Variants in ARHGEF33 observed in about 807,000 individuals in gnomAD.
The protein encoded by ARHGEF33 is DH and coiled-coil domain-containing protein ENSP00000381780.
Under a neutral mutation model 101.9 loss-of-function variants are expected in ARHGEF33, and 72 were observed. That is an observed-to-expected ratio of 0.71 (90% CI 0.58 to 0.86). The LOEUF (loss-of-function observed/expected upper bound fraction) is 0.86. ARHGEF33 is among the 40% of genes least tolerant of loss of function. The pLI is 0.00. For synonymous variants in ARHGEF33, 499 were observed against 442.5 expected (o/e 1.13, Z -1.60); for missense variants, 1,169 against 1,111.3 (o/e 1.05, Z -0.74).
At chr2:38,961,684 C>T (rs760119128) in intron 16 of ARHGEF33, among the ~76,000 whole-genome samples, 24 of 152,004 alleles carry the variant, frequency 1.6e-4, no homozygotes, top group Non-Finnish European at 3.5e-4. Flanking sequence ...CAGAAATAAA[C>T]CAGTCTCTAT....
intron 10 of ARHGEF33, among the ~76,000 whole-genome samples, chr2:38,950,065 G>C (rs1667560521): frequency 6.6e-6 from 1 of 152,274 alleles, no homozygotes; most frequent in East Asian, 1.9e-4. Flanking sequence ...TTCAGTATGA[G>C]AGTTGGGCAG....
At chr2:38,956,337 T>G (rs1315226233) in intron 13 of ARHGEF33, among the ~76,000 whole-genome samples, 1 of 152,202 alleles carries the variant, frequency 6.6e-6, no homozygotes, top group Non-Finnish European at 1.5e-5. Flanking sequence ...ATGGTACCTA[T>G]TTAAGCACGT....
intron 12 of ARHGEF33, among the ~76,000 whole-genome samples, chr2:38,953,795 C>T (rs1325947824): frequency 6.6e-6 from 1 of 152,222 alleles, no homozygotes; most frequent in African/African-American, 2.4e-5. Context: ...ATGAGAGGCT[C>T]TGTCTTACTA....
intron 17 of ARHGEF33, among the ~76,000 whole-genome samples, chr2:38,971,106 A>G (rs1443914912): frequency 2.6e-5 from 4 of 152,180 alleles, no homozygotes; most frequent in Non-Finnish European, 4.4e-5. Context: ...AAAGCTTTCA[A>G]GGAGGATAGT....
chr2:38,928,825 A>C, intron 4 of ARHGEF33, 82 bp from the exon 5 acceptor site: 1 of 1,339,764 alleles, frequency 7.5e-7, no homozygotes, highest in Non-Finnish European at 1.0e-6. Flanking sequence ...TTGTTTCTCA[A>C]ACAAAAGAAA....
Position 38,921,410 on chromosome 2 carries a change from C to T in ARHGEF33, c.62C>T (p.Thr21Met), listed in dbSNP as rs796752615. ...NEHMPVNNPS[T>M]QIYQLQALAS... Reference sequence around the variant, plus strand: ...CATATGCCGGTGAATAATCCTTCCACGCAGATTTACCAGGTAAAGACAAAT... The same window carrying T: ...CATATGCCGGTGAATAATCCTTCCATGCAGATTTACCAGGTAAAGACAAAT... The change falls in exon 4 of 18, where the codon ACG becomes ATG. Residue 21 changes from threonine to methionine, a missense_variant. By Grantham distance (81) the Thr-to-Met change is moderately conservative (BLOSUM62 -1). Transcript: ENST00000409978. The T allele has an allele frequency of 6.5e-6, 10 of 1,544,604 alleles. No homozygotes were observed. The African/African-American group carries it at 9.6e-5, about 15-fold the overall frequency.
chr2:38,933,267 C>A (rs1314995575), intron 7 of ARHGEF33, among the ~76,000 whole-genome samples: 1 of 152,190 alleles, frequency 6.6e-6, no homozygotes, highest in Non-Finnish European at 1.5e-5. Context: ...GGCTCCAGTT[C>A]TTGTAACCTG....
chr2:38,951,324 G>C (rs545112765), intron 11 of ARHGEF33, among the ~76,000 whole-genome samples: 104 of 152,302 alleles, frequency 6.8e-4, no homozygotes, highest in African/African-American at 2.2e-3. Flanking sequence ...CCGCTAGCTA[G>C]GTAGTTGGAG....
At chr2:38,895,463 C>A (rs1048981128) in intron 1 of ARHGEF33, among the ~76,000 whole-genome samples, 1 of 152,128 alleles carries the variant, frequency 6.6e-6, no homozygotes, top group African/African-American at 2.4e-5. Flanking sequence ...CAGCAAAGCC[C>A]CCTAAGCCAT....
intron 2 of ARHGEF33, among the ~76,000 whole-genome samples, chr2:38,901,522 C>A (rs1478764562): frequency 6.6e-6 from 1 of 152,214 alleles, no homozygotes; most frequent in Non-Finnish European, 1.5e-5. Flanking sequence ...GCTAACACAT[C>A]CCTATCCTGG....
At chr2:38,931,370 T>C in intron 7 of ARHGEF33, 119 bp downstream of exon 7, 1 of 900,610 alleles carries the variant, frequency 1.1e-6, no homozygotes, top group East Asian at 2.8e-5. Context: ...CTAGAATTTT[T>C]CTGCTTGTAA....
rs1313684685 is a variant in ARHGEF33, at chr2:38,975,134, A to T, written c.*1291A>T. The stretch of plus-strand genomic sequence containing the variant: ...TTCCTCTATTGAAGCGTTTGTTGAT[A>T]AAATAGGCAAAGGTTCACATGTAAG... On this transcript the variant is annotated 3_prime_UTR_variant, in exon 18 of 18. Coordinates refer to ENST00000409978, the MANE Select transcript of ARHGEF33 (RefSeq NM_001145451.5). The T allele has an allele frequency of 1.3e-5, 2 of 152,184 alleles. No homozygotes were observed. The highest frequency in any genetic ancestry group is 2.9e-5 in the Non-Finnish European group (2 of 68,034). 9.4% of individuals were successfully genotyped at this position (152,184 alleles called of 1,614,324 possible).
At chr2:38,933,439 A>G (rs1293838491) in intron 7 of ARHGEF33, among the ~76,000 whole-genome samples, 1 of 151,800 alleles carries the variant, frequency 6.6e-6, no homozygotes, top group East Asian at 1.9e-4. Flanking sequence ...GCTGGAGTAC[A>G]ATGGCGCGAT....
In ARHGEF33 at chr2:38,931,169, T is replaced by A; in HGVS notation, c.423T>A (p.Pro141=). The stretch of plus-strand genomic sequence containing the variant: ...GGCCTGCCCAAGCACAAGGAAGTCC[T>A]TTTCGTTCTATCAATATCCCTGAGC... The part of the protein sequence containing the change: ...QAGPAQAQGS[P]FRSINIPEPV... Residue 141 remains proline (P), a synonymous_variant, in exon 7 of 18, where the codon CCT becomes CCA. Coordinates refer to ENST00000409978, the MANE Select transcript of ARHGEF33 (RefSeq NM_001145451.5). 6.4e-7 allele frequency: 1 copy of A among 1,551,534 alleles called. No individual in the cohort carries two copies.
intron 2 of ARHGEF33, among the ~76,000 whole-genome samples, chr2:38,901,094 C>A (rs1399974210): frequency 6.6e-6 from 1 of 152,040 alleles, no homozygotes; most frequent in African/African-American, 2.4e-5. Context: ...TCACCCCAAA[C>A]ACACACACAC....
chr2:38,942,468 C>T (rs375535429), intron 9 of ARHGEF33, among the ~76,000 whole-genome samples: 5 of 132,776 alleles, frequency 3.8e-5, no homozygotes, highest in Admixed American at 7.8e-5. Flanking sequence ...CCCCTCTTAT[C>T]TTTTTTTTTT....
At position 38,937,338 on chromosome 2, in the gene ARHGEF33, T is replaced by C. The variant is rs1572759189; in HGVS notation, c.569T>C (p.Val190Ala). ...SNVKGMMGPG[V>A]NPTTPEAEEN... ...GCCCCTCCCCCCACCCCACCAGGAGTGAACCCAACAACTCCAGAAGCAGAA... is the reference window on the plus strand; with the variant it reads ...GCCCCTCCCCCCACCCCACCAGGAGCGAACCCAACAACTCCAGAAGCAGAA... The change falls in exon 9 of 18, where the codon GTG becomes GCG. Residue 190 changes from valine (V) to alanine (A), a missense_variant. Transcript: ENST00000409978. 1 of 595,996 alleles carries C rather than the reference T, an allele frequency of 1.7e-6. No homozygotes were observed. The highest frequency in any genetic ancestry group is 2.7e-6 in the Non-Finnish European group (1 of 371,030). 36.9% of individuals were successfully genotyped at this position (595,996 alleles called of 1,614,324 possible).
intron 17 of ARHGEF33, chr2:38,969,312 C>T (rs982100261): frequency 6.0e-6 from 1 of 167,256 alleles, no homozygotes; most frequent in Non-Finnish European, 1.5e-5. Context: ...CCAGCAAAGC[C>T]ACTTGTGTCA....
At chr2:38,914,386 G>T (rs1243650562) in intron 2 of ARHGEF33, among the ~76,000 whole-genome samples, 1 of 152,216 alleles carries the variant, frequency 6.6e-6, no homozygotes, top group African/African-American at 2.4e-5. Context: ...AATTTCTTAG[G>T]GCCAAATGTG....
Sources: allele counts gnomAD v4.1 joint callset (sites outside exome capture counted in the v4.1 genomes callset), GRCh38; gene constraint gnomAD v4.1.1; transcripts MANE v1.5; gene names NCBI Gene and HGNC (gene_info 2026-07-23, HGNC 2026-07-21).